The following SLC25A18 variants were observed in gnomAD, a reference collection of about 807,000 sequenced individuals.
The protein encoded by SLC25A18 is mitochondrial glutamate carrier 2.
In SLC25A18, 24 loss-of-function variants were observed where a neutral mutation model predicts 31.1. The observed-to-expected ratio is 0.77, with a 90% CI of 0.56 to 1.08. SLC25A18 has a LOEUF of 1.08. SLC25A18 is among the 50% of genes least tolerant of loss of function. The probability of loss-of-function intolerance (pLI) is 0.00; values close to 1 mark genes in which losing one functional copy is unlikely to be tolerated. For missense variants in SLC25A18, 371 were observed against 418.5 expected (o/e 0.89, Z 0.99); for synonymous variants, 173 against 161.9 (o/e 1.07, Z -0.52).
rs562219242 is a variant in SLC25A18, at chr22:17,589,326, A to G, written c.731-264A>G. 5.6e-5 allele frequency: 19 copies of G among 339,850 alleles called. No individual in the cohort carries two copies. The Admixed American group carries it at 7.9e-4, about 14-fold the overall frequency. 21.1% of individuals were successfully genotyped at this position (339,850 alleles called of 1,614,324 possible). ...CTCATGAGTAGCTGGGACTACAGGA[A>G]CGCGCCACGCCCGGCTCATTTTTGT... On this transcript the variant is annotated intron_variant, in intron 9 of 10. Coordinates refer to ENST00000327451, the MANE Select transcript of SLC25A18 (RefSeq NM_031481.3).
intron 8 of SLC25A18, among the ~76,000 whole-genome samples, chr22:17,587,568 A>G (rs2057586227): frequency 6.6e-6 from 1 of 152,170 alleles, no homozygotes; most frequent in African/African-American, 2.4e-5. Context: ...CACCTAAGAA[A>G]GCCCTGTCTA....
intron 5 of SLC25A18, 53 bp from the exon 6 acceptor site, chr22:17,582,510 G>A (rs1705890545): frequency 2.0e-6 from 3 of 1,471,448 alleles, no homozygotes; most frequent in African/African-American, 1.4e-5. Flanking sequence ...CAGACCTGGG[G>A]CACTGTTATT....
At chr22:17,581,298 G>A in intron 4 of SLC25A18, 60 bp from the exon 5 acceptor site, 1 of 1,608,884 alleles carries the variant, frequency 6.2e-7, no homozygotes, top group South Asian at 1.1e-5. Context: ...CGGGAGCAGG[G>A]CATGGAGGCG....
At chr22:17,569,846 G>T (rs878858430) in intron 1 of SLC25A18, 78 bp from the exon 2 acceptor site, 2 of 985,530 alleles carry the variant, frequency 2.0e-6, no homozygotes, top group South Asian at 4.7e-5. Flanking sequence ...ATGAGGGGGA[G>T]GCAGAGGGAG....
intron 8 of SLC25A18, 49 bp from the exon 9 acceptor site, chr22:17,587,876 C>A: frequency 6.2e-7 from 1 of 1,610,202 alleles, no homozygotes; most frequent in Non-Finnish European, 8.5e-7. Context: ...CCTTGGGTGG[C>A]AGCCCCAGGG....
chr22:17,575,487 T>C (rs1443619152), intron 2 of SLC25A18, among the ~76,000 whole-genome samples: 2 of 152,158 alleles, frequency 1.3e-5, no homozygotes, highest in Non-Finnish European at 2.9e-5. Context: ...TCCTCAATCA[T>C]GTGACAAGTT....
intron 2 of SLC25A18, among the ~76,000 whole-genome samples, chr22:17,571,436 T>C (rs1260636661): frequency 1.3e-5 from 2 of 152,166 alleles, no homozygotes; most frequent in African/African-American, 2.4e-5. Flanking sequence ...CTCTAAATAG[T>C]GTGTCTTGTT....
At chr22:17,580,384 T>C in intron 3 of SLC25A18, 1 of 338,642 alleles carries the variant, frequency 3.0e-6, no homozygotes, top group Non-Finnish European at 4.2e-6. Context: ...AAAGCTTTGT[T>C]TTCTATTTCC....
intron 2 of SLC25A18, among the ~76,000 whole-genome samples, chr22:17,573,055 G>A (rs935571417): frequency 6.6e-6 from 1 of 152,174 alleles, no homozygotes; most frequent in Non-Finnish European, 1.5e-5. Context: ...TGAGGCTGCA[G>A]TGAGCCAAGA....
intron 1 of SLC25A18, among the ~76,000 whole-genome samples, chr22:17,565,711 C>T (rs1478168812): frequency 6.6e-6 from 1 of 151,692 alleles, no homozygotes; most frequent in African/African-American, 2.4e-5. Context: ...CTACTAAAAA[C>T]ACAAAATTAG....
chr22:17,581,399 T>A lies in SLC25A18; in HGVS notation c.185T>A (p.Phe62Tyr). ...AAGACGGCTCGGGCGGAGGGCTTCT[T>A]CGGCATGTACCGAGGTGGGCTTCTC... ...LMKTARAEGF[F>Y]GMYRGAAVNL... Residue 62 changes from phenylalanine (F) to tyrosine (Y), a missense_variant, in exon 5 of 11, where the codon TTC becomes TAC. Physicochemically the swap from Phe to Tyr is conservative, Grantham distance 22. Transcript: ENST00000327451. 1 of 1,614,046 alleles carries A rather than the reference T, an allele frequency of 6.2e-7. No homozygotes were observed. The highest frequency in any genetic ancestry group is 8.5e-7 in the Non-Finnish European group (1 of 1,180,000).
chr22:17,584,446 G>GGAAAGAGAGAGAGAGAGAGAGA (rs1205165235), intron 7 of SLC25A18, among the ~76,000 whole-genome samples: 1 of 116,824 alleles, frequency 8.6e-6, no homozygotes, highest in Admixed American at 8.6e-5. Context: ...AAGGAAGGAA[G>GGAAAGAGAGAGAGAGAGAGAGA]GAGAGAGAGA....
Position 17,581,376 on chromosome 22 carries a change from G to C in SLC25A18, c.162G>C (p.Lys54Asn). The C allele has an allele frequency of 6.2e-7, 1 of 1,614,152 alleles. No homozygotes were observed. The highest frequency in any genetic ancestry group is 1.6e-4 in the Middle Eastern group (1 of 6,062). The part of the protein sequence containing the change: ...MYKGMIDCLM[K>N]TARAEGFFGM... ...CTTCCAGGATCGACTGCCTGATGAA[G>C]ACGGCTCGGGCGGAGGGCTTCTTCG... Residue 54 changes from lysine to asparagine, a missense_variant, in exon 5 of 11, where the codon AAG (lysine) becomes AAC (asparagine). Coordinates refer to ENST00000327451, the MANE Select transcript of SLC25A18 (RefSeq NM_031481.3).
chr22:17,564,329 T>C (rs2146194988), intron 1 of SLC25A18, among the ~76,000 whole-genome samples: 1 of 152,260 alleles, frequency 6.6e-6, no homozygotes, highest in East Asian at 1.9e-4. Flanking sequence ...TTGCTGGAAA[T>C]GCAGATTTTG....
At chr22:17,578,007 T>C (rs149901005) in intron 2 of SLC25A18, among the ~76,000 whole-genome samples, 2 of 144,960 alleles carry the variant, frequency 1.4e-5, no homozygotes, top group Non-Finnish European at 3.0e-5. Flanking sequence ...TTGGGGGGCA[T>C]AGGGTTTCGC....
intron 1 of SLC25A18, among the ~76,000 whole-genome samples, chr22:17,564,526 G>T (rs1217210578): frequency 6.6e-6 from 1 of 152,066 alleles, no homozygotes; most frequent in Admixed American, 6.6e-5. Context: ...ATAGAAAAAA[G>T]AATACAAACA....
intron 1 of SLC25A18, among the ~76,000 whole-genome samples, chr22:17,566,282 T>C (rs1303822714): frequency 1.3e-5 from 2 of 152,184 alleles, no homozygotes; most frequent in African/African-American, 2.4e-5. Context: ...GGGGGGATAA[T>C]GTATCTTCCT....
intron 7 of SLC25A18, among the ~76,000 whole-genome samples, chr22:17,586,019 A>G (rs5746439): frequency 0.29 from 44,669 of 152,012 alleles, 8,696 homozygotes; most frequent in African/African-American, 0.56. Flanking sequence ...ATCAAATGAT[A>G]GGCTCTGAAT....
In SLC25A18 at chr22:17,583,456, G is replaced by A; in HGVS notation, c.331G>A (p.Gly111Arg). Residue 111 changes from glycine to arginine, a missense_variant, in exon 7 of 11, where the codon GGG becomes AGG. Transcript: ENST00000327451. Reference protein sequence around the residue: ...NLKMEMLAGCGAGMCQVVVTC... With the variant: ...NLKMEMLAGCRAGMCQVVVTC... ...GAAGATGGAGATGCTTGCCGGGTGT[G>A]GGGCTGGGATGTGCCAGGTCGTGGT... 1 of 1,614,112 alleles carries A rather than the reference G, an allele frequency of 6.2e-7. No individual in the cohort carries two copies. Among genetic ancestry groups the A allele is most frequent in the African/African-American group, 1.3e-5 (1 of 75,056 alleles).
Sources: gnomAD v4.1 joint callset for allele counts (sites outside exome capture counted in the v4.1 genomes callset) on GRCh38, gnomAD v4.1.1 for gene constraint, MANE v1.5 for transcripts, NCBI Gene and HGNC (gene_info 2026-07-23, HGNC 2026-07-21) for gene names.